The following MAP3K5 variants were observed in gnomAD, a reference collection of about 807,000 sequenced individuals.
MAP3K5 encodes mitogen-activated protein kinase kinase kinase 5.
Under a neutral mutation model 158.7 loss-of-function variants are expected in MAP3K5, and 56 were observed. The ratio of observed to expected loss-of-function variants is 0.35; its 90% CI spans 0.28 to 0.44. The LOEUF is 0.44. MAP3K5 is among the 20% of genes least tolerant of loss of function. The pLI is 1.00. For synonymous variants in MAP3K5, 579 were observed against 601.7 expected, an observed-to-expected ratio of 0.96 and a Z score of 0.55; for missense variants, 1,294 against 1,674.8, an observed-to-expected ratio of 0.77 and a Z score of 3.97.
At chr6:136,659,604 A>C (rs1778915785) in intron 8 of MAP3K5, among the ~76,000 whole-genome samples, 1 of 152,224 alleles carries the variant, frequency 6.6e-6, no homozygotes, top group Non-Finnish European at 1.5e-5. Flanking sequence ...TGCTAAATTA[A>C]ATAAGCCAGA....
At chr6:136,688,991 T>C (rs1472774659) in intron 7 of MAP3K5, among the ~76,000 whole-genome samples, 3 of 151,260 alleles carry the variant, frequency 2.0e-5, no homozygotes, top group African/African-American at 4.9e-5. Context: ...TCTTTTGTAA[T>C]AGCAGAAAAA....
At chr6:136,765,582 G>A (rs909304257) in intron 1 of MAP3K5, among the ~76,000 whole-genome samples, 4 of 150,888 alleles carry the variant, frequency 2.7e-5, no homozygotes, top group East Asian at 3.9e-4. Context: ...GCGCCATCTC[G>A]GCTCACTGCA....
intron 2 of MAP3K5, among the ~76,000 whole-genome samples, chr6:136,713,775 T>TAC (rs10624316): frequency 0.55 from 84,010 of 151,574 alleles, 23,928 homozygotes; most frequent in African/African-American, 0.69. Flanking sequence ...CCAGGAAGAG[T>TAC]AGAGTCCCAG....
chr6:136,671,580 C>T (rs958104295), intron 7 of MAP3K5, among the ~76,000 whole-genome samples: 4 of 152,130 alleles, frequency 2.6e-5, no homozygotes, highest in Non-Finnish European at 4.4e-5. Context: ...GTATTCTTGG[C>T]AGAAATTTGC....
intron 11 of MAP3K5, among the ~76,000 whole-genome samples, chr6:136,646,572 A>G (rs534071435): frequency 6.6e-6 from 1 of 152,256 alleles, no homozygotes; most frequent in African/African-American, 2.4e-5. Flanking sequence ...GCTAATCGCT[A>G]ATTCCTCTAG....
At chr6:136,730,742 AAG>A (rs1375458850) in intron 1 of MAP3K5, among the ~76,000 whole-genome samples, 1 of 143,562 alleles carries the variant, frequency 7.0e-6, no homozygotes. Flanking sequence ...AAAAAAAAAA[AAG>A]AGTCACAGCA....
intron 1 of MAP3K5, among the ~76,000 whole-genome samples, chr6:136,784,111 C>T (rs757868637): frequency 2.0e-5 from 3 of 152,128 alleles, no homozygotes; most frequent in Non-Finnish European, 4.4e-5. Flanking sequence ...CTGTGTTATG[C>T]GCTTATATAA....
At chr6:136,658,650 G>T (rs1357361139) in intron 9 of MAP3K5, among the ~76,000 whole-genome samples, 1 of 152,016 alleles carries the variant, frequency 6.6e-6, no homozygotes, top group Non-Finnish European at 1.5e-5. Flanking sequence ...GAATGCAGAT[G>T]GAATTTTGTT....
rs949020328 is a variant in MAP3K5, at chr6:136,603,069, A to G, written c.2680-1090T>C. On this transcript the variant is annotated intron_variant, in intron 19 of 29. Transcript: ENST00000359015. The stretch of plus-strand genomic sequence containing the variant: ...ATTCATTGTAATATAAACAATATAT[A>G]ATTATTTGTAAGAATTATATAGCCG... Among the ~76,000 whole-genome samples, 5 of 152,124 alleles carry G rather than the reference A, an allele frequency of 3.3e-5. No individual in the cohort carries two copies. In the East Asian group the frequency reaches 7.7e-4, roughly 23 times the overall value.
intron 11 of MAP3K5, among the ~76,000 whole-genome samples, chr6:136,646,604 C>T (rs1778269220): frequency 6.6e-6 from 1 of 152,178 alleles, no homozygotes. Flanking sequence ...TTCCAAGTGT[C>T]CTTGGATAAC....
intron 15 of MAP3K5, among the ~76,000 whole-genome samples, chr6:136,619,711 G>A (rs1776719076): frequency 6.6e-6 from 1 of 152,238 alleles, no homozygotes; most frequent in Admixed American, 6.5e-5. Flanking sequence ...GGTGATTGCA[G>A]AGACTAGAAG....
At chr6:136,595,200 C>T (rs2129082715) in intron 21 of MAP3K5, among the ~76,000 whole-genome samples, 1 of 152,292 alleles carries the variant, frequency 6.6e-6, no homozygotes, top group South Asian at 2.1e-4. Context: ...TCACTACAAC[C>T]TCCGCCTCCT....
intron 15 of MAP3K5, among the ~76,000 whole-genome samples, chr6:136,616,297 CCTCTTTTTT>C (rs1776558884): frequency 6.8e-6 from 1 of 147,794 alleles, no homozygotes; most frequent in Admixed American, 6.8e-5. Context: ...CATACCTGCT[CCTCTTTTTT>C]TTTTTTTTTT....
At chr6:136,785,080 G>A (rs569859818) in intron 1 of MAP3K5, among the ~76,000 whole-genome samples, 2 of 152,274 alleles carry the variant, frequency 1.3e-5, no homozygotes, top group South Asian at 4.1e-4. Flanking sequence ...CAATATACTC[G>A]GAAAGTATAT....
chr6:136,563,032 T>C (rs975942375), intron 26 of MAP3K5, among the ~76,000 whole-genome samples: 1 of 151,978 alleles, frequency 6.6e-6, no homozygotes, highest in Non-Finnish European at 1.5e-5. Context: ...ACACCCCTAA[T>C]TTTATTGAAA....
chr6:136,575,292 G>T (rs1159596346), intron 25 of MAP3K5, among the ~76,000 whole-genome samples: 3 of 151,318 alleles, frequency 2.0e-5, no homozygotes, highest in Admixed American at 2.0e-4. Context: ...CTCCCTAGTA[G>T]CCAGGACCAC....
Position 136,656,342 on chromosome 6 carries a change from C to T in MAP3K5, c.1645G>A (p.Ala549Thr). The T allele has an allele frequency of 6.8e-6, 11 of 1,613,978 alleles. No homozygotes were observed. Among genetic ancestry groups the T allele is most frequent in the South Asian group, 1.1e-5 (1 of 91,080 alleles). Residue 549 changes from alanine to threonine, a missense_variant, in exon 10 of 30, where the codon GCC (alanine) becomes ACC (threonine). Around this residue, in one of 5 missense-constraint regions of MAP3K5, gnomAD observed 690 missense variants for 870.5 expected, o/e 0.79. Coordinates refer to ENST00000359015, the MANE Select transcript of MAP3K5 (RefSeq NM_005923.4). ...VDFWMDFLVEATKTDVTVVRF... is the reference protein window; with the variant it reads ...VDFWMDFLVETTKTDVTVVRF... ...ACCACAGTAACATCTGTCTTTGTGG[C>T]CTCGACCAGGAAATCCATCCAAAAG...
At chr6:136,593,628 A>G (rs1775491615) in intron 21 of MAP3K5, 3 of 368,722 alleles carry the variant, frequency 8.1e-6, no homozygotes, top group Admixed American at 7.5e-5. Flanking sequence ...TGTATATAAA[A>G]CTTCTCAGCC....
chr6:136,727,043 T>TTAG (rs1781999636), intron 1 of MAP3K5, among the ~76,000 whole-genome samples: 1 of 152,190 alleles, frequency 6.6e-6, no homozygotes, highest in South Asian at 2.1e-4. Context: ...TAATATTTCA[T>TTAG]TACCTAACTA....
Sources: gnomAD v4.1 joint callset for allele counts (sites outside exome capture counted in the v4.1 genomes callset) on GRCh38, gnomAD v4.1.1 for gene constraint, gnomAD v4.1.1 regional missense constraint, MANE v1.5 for transcripts, NCBI Gene and HGNC (gene_info 2026-07-23, HGNC 2026-07-21) for gene names.